Variants in PLD5 observed in about 807,000 individuals in gnomAD.
The protein encoded by PLD5 is phospholipase D family member 5.
Under a neutral mutation model 61.1 loss-of-function variants are expected in PLD5, and 36 were observed. The observed-to-expected ratio is 0.59, with a 90% CI of 0.45 to 0.78. The LOEUF (loss-of-function observed/expected upper bound fraction) is 0.78, where lower values mean the gene tolerates loss of function less well. Among genes scored for constraint, PLD5 ranks in the 30% least tolerant of loss-of-function variants. The pLI is 0.00. For missense variants in PLD5, 515 were observed against 644.4 expected, an observed-to-expected ratio of 0.80 and a Z score of 2.17; for synonymous variants, 243 against 242.8, an observed-to-expected ratio of 1.00 and a Z score of -0.01.
intron 1 of PLD5, among the ~76,000 whole-genome samples, chr1:242,432,659 T>C (rs1572140207): frequency 1.3e-5 from 2 of 152,320 alleles, no homozygotes; most frequent in East Asian, 3.9e-4. Context: ...AAGACTCCCC[T>C]GGCATAAAGC....
At chr1:242,093,368 T>C (rs948462616) in intron 9 of PLD5, among the ~76,000 whole-genome samples, 1 of 152,176 alleles carries the variant, frequency 6.6e-6, no homozygotes, top group African/African-American at 2.4e-5. Flanking sequence ...TTGCATGCCT[T>C]TTAAGGGCTT....
chr1:242,163,212 C>T (rs1254161163), intron 5 of PLD5, among the ~76,000 whole-genome samples: 4 of 150,076 alleles, frequency 2.7e-5, no homozygotes, highest in Admixed American at 6.7e-5. Context: ...GGCGCGATCT[C>T]GGCTCACTGC....
At chr1:242,419,366 T>A (rs1665001328) in intron 1 of PLD5, among the ~76,000 whole-genome samples, 1 of 150,160 alleles carries the variant, frequency 6.7e-6, no homozygotes, top group African/African-American at 2.4e-5. Context: ...TAGTGCAAGC[T>A]GAGTGCAGTC....
chr1:242,358,427 T>C (rs2149233275), intron 1 of PLD5, among the ~76,000 whole-genome samples: 1 of 151,942 alleles, frequency 6.6e-6, no homozygotes, highest in African/African-American at 2.4e-5. Context: ...ATGCTATAAT[T>C]CTGAATGGGC....
intron 2 of PLD5, among the ~76,000 whole-genome samples, chr1:242,324,827 G>C (rs993725239): frequency 6.6e-6 from 1 of 152,076 alleles, no homozygotes; most frequent in Non-Finnish European, 1.5e-5. Context: ...GGCTGATCAG[G>C]TCTTGTGGCC....
At chr1:242,150,541 T>C (rs1664854613) in intron 5 of PLD5, among the ~76,000 whole-genome samples, 1 of 151,892 alleles carries the variant, frequency 6.6e-6, no homozygotes. Flanking sequence ...AATGACCCTT[T>C]TATCATCATG....
At chr1:242,204,082 G>A (rs1417855985) in intron 5 of PLD5, among the ~76,000 whole-genome samples, 8 of 144,680 alleles carry the variant, frequency 5.5e-5, no homozygotes, top group Admixed American at 6.9e-5. Context: ...TAAAAATACA[G>A]AAAAAAAAAA....
intron 9 of PLD5, among the ~76,000 whole-genome samples, chr1:242,099,779 AT>A (rs937179818): frequency 2.6e-5 from 4 of 152,228 alleles, no homozygotes; most frequent in Non-Finnish European, 5.9e-5. Context: ...AAAAAAAGAA[AT>A]TGATACAGAT....
At chr1:242,327,921 C>T (rs1244178887) in intron 2 of PLD5, among the ~76,000 whole-genome samples, 1 of 151,088 alleles carries the variant, frequency 6.6e-6, no homozygotes, top group Non-Finnish European at 1.5e-5. Context: ...CAAGACCTTG[C>T]CTCTCTAGTT....
chr1:242,371,566 T>C (rs1328981885), intron 1 of PLD5, among the ~76,000 whole-genome samples: 1 of 152,062 alleles, frequency 6.6e-6, no homozygotes, highest in Non-Finnish European at 1.5e-5. Flanking sequence ...CCTCCTTTAT[T>C]TATCCCTTCA....
chr1:242,310,771 G>C (rs1022187132), intron 2 of PLD5, among the ~76,000 whole-genome samples: 1 of 152,202 alleles, frequency 6.6e-6, no homozygotes, highest in Admixed American at 6.5e-5. Flanking sequence ...GATGGGGCTG[G>C]AGGAGATTAT....
intron 5 of PLD5, among the ~76,000 whole-genome samples, chr1:242,205,778 A>G (rs1363009002): frequency 6.6e-6 from 1 of 152,228 alleles, no homozygotes; most frequent in Non-Finnish European, 1.5e-5. Flanking sequence ...AGCACTGAGC[A>G]GGGATGGCAG....
chr1:242,508,634 C>T lies in PLD5; in HGVS notation c.189+15454G>A, dbSNP rs541205170. 1.2e-4 allele frequency among the ~76,000 whole-genome samples: 19 copies of T among 152,310 alleles called. No individual in the cohort carries two copies. In the East Asian group the frequency reaches 1.5e-3, roughly 12 times the overall value. ...TTTTGCCTGAATATGTTTTCCTCAA[C>T]GCTCACATTTTGCCTGGACATATCA... On this transcript the variant is annotated intron_variant, in intron 1 of 9. Coordinates refer to ENST00000536534, the MANE Select transcript of PLD5 (RefSeq NM_001372062.1).
chr1:242,270,749 C>T (rs944831870), intron 3 of PLD5, among the ~76,000 whole-genome samples: 3 of 152,160 alleles, frequency 2.0e-5, no homozygotes, highest in African/African-American at 7.2e-5. Context: ...GAGCCAAGGC[C>T]ACCTCCCTAA....
chr1:242,483,585 C>T (rs1414847199), intron 1 of PLD5, among the ~76,000 whole-genome samples: 1 of 152,134 alleles, frequency 6.6e-6, no homozygotes, highest in Non-Finnish European at 1.5e-5. Flanking sequence ...TACAAAGAGA[C>T]TTAGACTCCC....
chr1:242,370,992 T>A (rs1661602103), intron 1 of PLD5, among the ~76,000 whole-genome samples: 1 of 152,216 alleles, frequency 6.6e-6, no homozygotes, highest in African/African-American at 2.4e-5. Flanking sequence ...TGTTTCTTTT[T>A]CTAAATTACC....
intron 4 of PLD5, among the ~76,000 whole-genome samples, chr1:242,252,083 G>T (rs1672734410): frequency 6.6e-6 from 1 of 152,160 alleles, no homozygotes; most frequent in Admixed American, 6.5e-5. Context: ...ACCTTTTCCT[G>T]TGTATGACGT....
At chr1:242,359,661 G>C (rs1269697292) in intron 1 of PLD5, among the ~76,000 whole-genome samples, 1 of 152,118 alleles carries the variant, frequency 6.6e-6, no homozygotes, top group Non-Finnish European at 1.5e-5. Context: ...CCATTTATTG[G>C]ATGTATGCTC....
intron 5 of PLD5, among the ~76,000 whole-genome samples, chr1:242,133,170 GACTTC>G (rs774709066): frequency 2.6e-5 from 4 of 152,062 alleles, no homozygotes; most frequent in Non-Finnish European, 4.4e-5. Flanking sequence ...ATAACTTTGT[GACTTC>G]ACTTCAGCCT....
Sources: allele counts gnomAD v4.1 joint callset (sites outside exome capture counted in the v4.1 genomes callset), GRCh38; gene constraint gnomAD v4.1.1; transcripts MANE v1.5; gene names NCBI Gene and HGNC (gene_info 2026-07-23, HGNC 2026-07-21).